EPM2A: variants seen among roughly 807,000 people sequenced by gnomAD.
EPM2A encodes EPM2A glucan phosphatase, laforin, also known as laforin.
Under a neutral mutation model 26.5 loss-of-function variants are expected in EPM2A, and 21 were observed. That is an observed-to-expected ratio of 0.79 (90% confidence interval 0.56 to 1.14). EPM2A has a LOEUF of 1.14. EPM2A is among the 50% of genes most tolerant of loss of function. The pLI, the probability that EPM2A is intolerant of heterozygous loss-of-function variation, is 0.00. For missense variants in EPM2A, 458 were observed against 440.8 expected (o/e 1.04, Z -0.35); for synonymous variants, 217 against 177.6 (o/e 1.22, Z -1.76).
intron 2 of EPM2A, among the ~76,000 whole-genome samples, chr6:145,617,321 T>C (rs1367718075): frequency 6.6e-6 from 1 of 152,202 alleles, no homozygotes; most frequent in African/African-American, 2.4e-5. Flanking sequence ...CCCAGCCACA[T>C]GGAACTGTAA....
intron 2 of EPM2A, among the ~76,000 whole-genome samples, chr6:145,509,886 G>A (rs1780030073): frequency 6.6e-6 from 1 of 152,012 alleles, no homozygotes; most frequent in Non-Finnish European, 1.5e-5. Flanking sequence ...AAGGGATGGA[G>A]AAAGGTCTAT....
At chr6:145,475,162 A>G (rs1293888502) in intron 4 of EPM2A, among the ~76,000 whole-genome samples, 2 of 152,222 alleles carry the variant, frequency 1.3e-5, no homozygotes, top group Admixed American at 6.5e-5. Context: ...ATAAAGACAC[A>G]TGCACACATA....
At chr6:145,623,137 T>C (rs560731323), downstream of EPM2A, among the ~76,000 whole-genome samples, 2 of 151,682 alleles carry the variant, frequency 1.3e-5, no homozygotes, top group South Asian at 2.1e-4. Flanking sequence ...TCAGGCTCTG[T>C]TATAGGCACT....
intron 4 of EPM2A, among the ~76,000 whole-genome samples, chr6:145,457,348 G>A (rs1779274408): frequency 6.6e-6 from 1 of 151,878 alleles, no homozygotes; most frequent in South Asian, 2.1e-4. Context: ...GCAGGGCATG[G>A]TGGTGGGTGC....
At chr6:145,716,517 T>G (rs188187457) in intron 1 of EPM2A, among the ~76,000 whole-genome samples, 13 of 152,292 alleles carry the variant, frequency 8.5e-5, no homozygotes, top group Admixed American at 8.5e-4. Context: ...AGGTAAGCCA[T>G]GCAGCAAGAG....
At chr6:145,683,279 G>GTGTGTGTGTGTGTGTGTGTGTGTGTGTA (rs1780673301) in intron 2 of EPM2A, among the ~76,000 whole-genome samples, 1 of 148,238 alleles carries the variant, frequency 6.7e-6, no homozygotes, top group Non-Finnish European at 1.5e-5. Flanking sequence ...GTGTGTGTGT[G>GTGTGTGTGTGTGTGTGTGTGTGTGTGTA]TGTGTGTGTG....
intron 4 of EPM2A, among the ~76,000 whole-genome samples, chr6:145,436,743 A>G (rs1389974849): frequency 1.3e-5 from 2 of 152,002 alleles, no homozygotes; most frequent in Admixed American, 1.3e-4. Context: ...TGGGTAACTA[A>G]TCTAAATTGA....
intron 1 of EPM2A, among the ~76,000 whole-genome samples, chr6:145,720,427 G>A (rs1260748720): frequency 6.6e-6 from 1 of 152,152 alleles, no homozygotes; most frequent in African/African-American, 2.4e-5. Context: ...GAACTAGTAA[G>A]TGTTAAAGCA....
chr6:145,509,105 C>G (rs1457249819), intron 2 of EPM2A, among the ~76,000 whole-genome samples: 2 of 152,016 alleles, frequency 1.3e-5, no homozygotes, highest in Non-Finnish European at 2.9e-5. Context: ...AGCAATGAAA[C>G]CTATGACTTG....
intron 2 of EPM2A, among the ~76,000 whole-genome samples, chr6:145,596,872 G>A (rs986095226): frequency 8.1e-5 from 11 of 135,424 alleles, no homozygotes; most frequent in Admixed American, 2.2e-4. Flanking sequence ...TGCTCTCTCC[G>A]AGATCTTTTT....
At chr6:145,712,483 T>C (rs1775391200) in intron 1 of EPM2A, among the ~76,000 whole-genome samples, 1 of 152,084 alleles carries the variant, frequency 6.6e-6, no homozygotes, top group Non-Finnish European at 1.5e-5. Context: ...AACATGACTT[T>C]ACCAGTATGA....
chr6:145,723,535 A>G (rs920035607), intron 1 of EPM2A, among the ~76,000 whole-genome samples: 15 of 152,188 alleles, frequency 9.9e-5, no homozygotes, highest in Non-Finnish European at 2.2e-4. Context: ...ATGCTGGACA[A>G]ATACCTGCCT....
chr6:145,675,106 C>A (rs1372497913), intron 2 of EPM2A, among the ~76,000 whole-genome samples: 1 of 152,170 alleles, frequency 6.6e-6, no homozygotes, highest in East Asian at 1.9e-4. Flanking sequence ...ACCCTACAAG[C>A]CAGAAGAGAG....
intron 4 of EPM2A, among the ~76,000 whole-genome samples, chr6:145,477,693 C>A (rs1166576809): frequency 6.6e-6 from 1 of 151,784 alleles, no homozygotes; most frequent in Non-Finnish European, 1.5e-5. Flanking sequence ...ATGATCATTT[C>A]AATTGATGCT....
chr6:145,699,561 G>C (rs1781800908), intron 1 of EPM2A, among the ~76,000 whole-genome samples: 1 of 152,184 alleles, frequency 6.6e-6, no homozygotes. Flanking sequence ...TGAACAACAG[G>C]ATATGCTTTA....
intron 2 of EPM2A, among the ~76,000 whole-genome samples, chr6:145,683,108 C>T (rs981143210): frequency 1.3e-5 from 2 of 152,042 alleles, no homozygotes; most frequent in Non-Finnish European, 2.9e-5. Context: ...TCATCTTACC[C>T]AGTTTCATGT....
chr6:145,419,967 C>A (rs1778761068), intron 4 of EPM2A, among the ~76,000 whole-genome samples: 1 of 151,938 alleles, frequency 6.6e-6, no homozygotes, highest in East Asian at 1.9e-4. Flanking sequence ...TTATTAAGGG[C>A]TGTCATTTAG....
At chr6:145,645,297 A>G (rs1034422517) in intron 2 of EPM2A, among the ~76,000 whole-genome samples, 3 of 151,978 alleles carry the variant, frequency 2.0e-5, no homozygotes, top group Admixed American at 2.0e-4. Context: ...ATGTTTCAAT[A>G]TTTTCAAAAG....
chr6:145,635,814 T>C (rs1776631295), intron 2 of EPM2A: 1 of 246,330 alleles, frequency 4.1e-6, no homozygotes, highest in South Asian at 6.2e-5. Context: ...AATCCATCAA[T>C]AGACTTCAAA....
Sources: gnomAD v4.1 joint callset for allele counts (sites outside exome capture counted in the v4.1 genomes callset) on GRCh38, gnomAD v4.1.1 for gene constraint, MANE v1.5 for transcripts, NCBI Gene and HGNC (gene_info 2026-07-23, HGNC 2026-07-21) for gene names.